The following ZDHHC16 variants were observed in gnomAD, a reference collection of about 807,000 sequenced individuals.
ZDHHC16 encodes the protein zDHHC palmitoyltransferase 16, also known as palmitoyltransferase ZDHHC16.
In ZDHHC16, 33 loss-of-function variants were observed where a neutral mutation model predicts 54.4. The ratio of observed to expected loss-of-function variants is 0.61; its 90% CI spans 0.46 to 0.81. The LOEUF is 0.81. Among genes scored for constraint, ZDHHC16 ranks in the 30% least tolerant of loss-of-function variants. The pLI is 0.00. For missense variants in ZDHHC16, 420 were observed against 485.9 expected, an observed-to-expected ratio of 0.86 and a Z score of 1.28; for synonymous variants, 185 against 182.1, an observed-to-expected ratio of 1.02 and a Z score of -0.13.
Position 97,452,297 on chromosome 10 carries a change from A to G in ZDHHC16, c.438+13A>G. On this transcript the variant is annotated intron_variant, in intron 4 of 11. Coordinates refer to ENST00000393760, the MANE Select transcript of ZDHHC16 (RefSeq NM_198046.3). ...GTACCCACCCCAGGTGGGTCCTCACAGGAGCACTGGGGGAAGTTGCTGGCT... is the reference window on the plus strand; with the variant it reads ...GTACCCACCCCAGGTGGGTCCTCACGGGAGCACTGGGGGAAGTTGCTGGCT... 6.2e-7 allele frequency: 1 copy of G among 1,613,958 alleles called. No individual in the cohort carries two copies. Among genetic ancestry groups the G allele is most frequent in the Non-Finnish European group, 8.5e-7 (1 of 1,179,884 alleles).
chr10:97,450,754 T>G (rs1055252709), intron 2 of ZDHHC16: 2 of 152,540 alleles, frequency 1.3e-5, no homozygotes, highest in African/African-American at 4.8e-5. Context: ...GTTGGGTATC[T>G]TGGGGCTAAG....
Position 97,456,761 on chromosome 10 carries a change from CTCTCT to C in ZDHHC16, c.1020-7_1020-3del, listed in dbSNP as rs777323386. ...AGAATTCTTGAACTCAGAGACATTT[CTCTCT>C]TCTCTTCTAGGCACTGGCTTACTCG... is the stretch of plus-strand genomic sequence containing the variant. On this transcript the variant is annotated splice_polypyrimidine_tract_variant and intron_variant, in intron 11 of 11. Coordinates refer to ENST00000393760, the MANE Select transcript of ZDHHC16 (RefSeq NM_198046.3). 6.4e-6 allele frequency: 10 copies of C among 1,571,952 alleles called. No homozygotes were observed. The highest frequency in any genetic ancestry group is 8.7e-6 in the Non-Finnish European group (10 of 1,148,388).
chr10:97,452,603 CCAT>C (rs1846750673), intron 5 of ZDHHC16, 100 bp downstream of exon 5: 4 of 1,279,276 alleles, frequency 3.1e-6, no homozygotes, highest in Middle Eastern at 1.9e-4. Flanking sequence ...GGTGAATCAC[CCAT>C]CGTGTCCCAG....
intron 1 of ZDHHC16, among the ~76,000 whole-genome samples, chr10:97,446,792 A>G (rs1266655318): frequency 1.3e-5 from 2 of 152,042 alleles, no homozygotes; most frequent in African/African-American, 2.4e-5. Context: ...ATCTCTGTTC[A>G]CTGCAACCTC....
intron 9 of ZDHHC16, among the ~76,000 whole-genome samples, 160 bp downstream of exon 9, chr10:97,454,959 G>A (rs765868322): frequency 6.6e-6 from 1 of 152,208 alleles, no homozygotes; most frequent in Non-Finnish European, 1.5e-5. Flanking sequence ...TCAGGGCAGG[G>A]AGCACTGAGG....
chr10:97,456,754 G>A, intron 11 of ZDHHC16, 23 bp from the exon 12 acceptor site: 1 of 1,559,052 alleles, frequency 6.4e-7, no homozygotes, highest in Non-Finnish European at 8.8e-7. Flanking sequence ...TGAACTCAGA[G>A]ACATTTCTCT....
At chr10:97,453,116 C>T (rs573104835) in intron 6 of ZDHHC16, among the ~76,000 whole-genome samples, 193 bp downstream of exon 6, 167 of 152,362 alleles carry the variant, frequency 1.1e-3, no homozygotes, top group Non-Finnish European at 2.0e-3. Context: ...AATCTTTTAA[C>T]ACCTCTTTCT....
chr10:97,454,845 A>AG, intron 9 of ZDHHC16, 46 bp downstream of exon 9: 1 of 1,593,840 alleles, frequency 6.3e-7, no homozygotes, highest in Non-Finnish European at 8.6e-7. Context: ...TTCAGAAAAA[A>AG]AGTTTTTTAG....
At chr10:97,449,773 G>A (rs188734479) in intron 1 of ZDHHC16, among the ~76,000 whole-genome samples, 477 of 151,294 alleles carry the variant, frequency 3.2e-3, no homozygotes, top group Non-Finnish European at 5.4e-3. Context: ...CAAGTGATCC[G>A]CCTGCCTCGG....
At chr10:97,454,672 C>T in intron 8 of ZDHHC16, 42 bp from the exon 9 acceptor site, 2 of 1,575,220 alleles carry the variant, frequency 1.3e-6, no homozygotes, top group South Asian at 1.1e-5. Flanking sequence ...TGCTGGAGAC[C>T]CACAGAGCAA....
At position 97,452,146 on chromosome 10, in the gene ZDHHC16, G is replaced by T; in HGVS notation, c.300G>T (p.Leu100=). The T allele has an allele frequency of 3.7e-6, 6 of 1,614,088 alleles. No homozygotes were observed. Among genetic ancestry groups the T allele is most frequent in the East Asian group, 2.2e-5 (1 of 44,878 alleles). Residue 100 remains leucine (L), a synonymous_variant, in exon 4 of 12, where the codon CTG becomes CTT. Transcript: ENST00000393760. ...GCTCCATTGTAGCTATCGCCTACCT[G>T]TGTGTCCTGCCTCTCATCCTCCGAA... ...LTGSIVAIAY[L]CVLPLILRTY...
Position 97,453,517 on chromosome 10 carries a change from A to C in ZDHHC16, c.557-13A>C, listed in dbSNP as rs1846850909. 11 of 1,613,570 alleles carry C rather than the reference A, an allele frequency of 6.8e-6. No homozygotes were observed. The highest frequency in any genetic ancestry group is 9.3e-6 in the Non-Finnish European group (11 of 1,179,858). ...TTGTGTTTGATTCTAGTCCTTAATC[A>C]TTTCCCAACCAGCCTGGCTAAACAA... On this transcript the variant is annotated splice_polypyrimidine_tract_variant and intron_variant, in intron 6 of 11. Transcript: ENST00000393760.
intron 11 of ZDHHC16, 72 bp from the exon 12 acceptor site, chr10:97,456,705 C>A: frequency 8.9e-7 from 1 of 1,123,368 alleles, no homozygotes; most frequent in Non-Finnish European, 1.3e-6. Context: ...TTGATGTATG[C>A]TTGTTAAGGA....
At chr10:97,447,570 T>C (rs1474753543) in intron 1 of ZDHHC16, among the ~76,000 whole-genome samples, 1 of 152,186 alleles carries the variant, frequency 6.6e-6, no homozygotes, top group Non-Finnish European at 1.5e-5. Context: ...TCACTGAGAT[T>C]AGCCCCTTCT....
Position 97,452,109 on chromosome 10 carries a change from T to G in ZDHHC16, c.263T>G (p.Ile88Ser), listed in dbSNP as rs776787595. 9.3e-6 allele frequency: 15 copies of G among 1,613,798 alleles called. No homozygotes were observed. The East Asian group carries it at 3.1e-4, about 34-fold the overall frequency. Residue 88 changes from isoleucine to serine, a missense_variant, in exon 4 of 12, where the codon ATC becomes AGC. Transcript: ENST00000393760. ...TGGCAGGTGTTCGTGGTCCTGGTGA[T>G]CGTGCTGACAGGCTCCATTGTAGCT... ...WFGVVFVVLVIVLTGSIVAIA... is the reference protein window; with the variant it reads ...WFGVVFVVLVSVLTGSIVAIA...
intron 11 of ZDHHC16, chr10:97,456,442 A>G (rs1438013676): frequency 3.3e-6 from 1 of 301,544 alleles, no homozygotes; most frequent in South Asian, 7.7e-5. Context: ...AGCCCAAGAC[A>G]AGGGGAAACA....
chr10:97,456,935 T>TTGAAATAACATAGGGAGC lies in ZDHHC16; in HGVS notation c.*44_*45insTGAAATAACATAGGGAGC. 1 of 1,479,446 alleles carries TTGAAATAACATAGGGAGC rather than the reference T, an allele frequency of 6.8e-7. No homozygotes were observed. The highest frequency in any genetic ancestry group is 9.1e-7 in the Non-Finnish European group (1 of 1,094,684). 91.6% of individuals were successfully genotyped at this position (1,479,446 alleles called of 1,614,324 possible). A position where few individuals can be genotyped will look rare whatever the true frequency, so the allele number is the denominator to read the frequency against. On this transcript the variant is annotated 3_prime_UTR_variant, in exon 12 of 12. Coordinates refer to ENST00000393760, the MANE Select transcript of ZDHHC16 (RefSeq NM_198046.3). ...CGACTCGAGCACTCATTCTGCTCCC[T>TTGAAATAACATAGGGAGC]ATGTTATTTCAAGGGCCTCCAAGGG...
chr10:97,453,763 T>G, intron 7 of ZDHHC16, 36 bp from the exon 8 acceptor site: 1 of 1,614,140 alleles, frequency 6.2e-7, no homozygotes, highest in Non-Finnish European at 8.5e-7. Flanking sequence ...CCTAGAGGCC[T>G]GAGAGTATAA....
At chr10:97,448,190 G>A (rs1369727908) in intron 1 of ZDHHC16, 2 of 152,206 alleles carry the variant, frequency 1.3e-5, no homozygotes, top group Non-Finnish European at 2.9e-5. Flanking sequence ...TATGAATCAG[G>A]AAGAATGATA....
Sources: allele counts gnomAD v4.1 joint callset (sites outside exome capture counted in the v4.1 genomes callset), GRCh38; gene constraint gnomAD v4.1.1; transcripts MANE v1.5; gene names NCBI Gene and HGNC (gene_info 2026-07-23, HGNC 2026-07-21).